The following FBXL13 variants were observed in gnomAD, a reference collection of about 807,000 sequenced individuals.
FBXL13 encodes F-box and leucine rich repeat protein 13.
FBXL13 carries 67 observed loss-of-function variants against 83.6 expected under a neutral mutation model. The observed-to-expected ratio is 0.80, with a 90% CI of 0.66 to 0.98. The LOEUF is 0.98. Ranked by LOEUF, FBXL13 falls within the 50% of genes least tolerant of loss-of-function variation. FBXL13 has a pLI of 0.00. For missense variants in FBXL13, 822 were observed against 866.5 expected (o/e 0.95, Z 0.64); for synonymous variants, 272 against 299.5 (o/e 0.91, Z 0.95).
At chr7:102,904,841 A>G (rs1813502101) in intron 11 of FBXL13, among the ~76,000 whole-genome samples, 2 of 152,054 alleles carry the variant, frequency 1.3e-5, no homozygotes, top group African/African-American at 4.8e-5. Context: ...GAAATTTTTC[A>G]ATTTCCTTCT....
chr7:102,964,405 T>TATATA (rs35861251), intron 7 of FBXL13, among the ~76,000 whole-genome samples: 1,649 of 127,988 alleles, frequency 0.013, 34 homozygotes, highest in African/African-American at 0.047. Flanking sequence ...TATATATATA[T>TATATA]TTTTTTTTTT....
intron 19 of FBXL13, among the ~76,000 whole-genome samples, chr7:102,819,618 A>G (rs1254424020): frequency 6.6e-6 from 1 of 152,166 alleles, no homozygotes; most frequent in Non-Finnish European, 1.5e-5. Flanking sequence ...CATTGTTTTC[A>G]TGTTCAAAAT....
chr7:103,010,537 C>T (rs902802803), intron 6 of FBXL13, among the ~76,000 whole-genome samples: 3 of 151,996 alleles, frequency 2.0e-5, no homozygotes, highest in African/African-American at 7.2e-5. Flanking sequence ...CCCAGCAGTA[C>T]CACTTCTGCC....
At chr7:102,970,077 C>T (rs1287336678) in intron 6 of FBXL13, among the ~76,000 whole-genome samples, 2 of 151,732 alleles carry the variant, frequency 1.3e-5, no homozygotes, top group African/African-American at 4.8e-5. Context: ...ATAGTGAAAC[C>T]CCATTTCAAC....
intron 8 of FBXL13, among the ~76,000 whole-genome samples, chr7:102,940,713 C>T (rs1821261296): frequency 6.6e-6 from 1 of 152,332 alleles, no homozygotes; most frequent in South Asian, 2.1e-4. Flanking sequence ...CAAATCTCTT[C>T]TCCATTTGCT....
At chr7:103,020,538 C>T (rs1473137666) in intron 6 of FBXL13, among the ~76,000 whole-genome samples, 1 of 152,088 alleles carries the variant, frequency 6.6e-6, no homozygotes, top group Non-Finnish European at 1.5e-5. Flanking sequence ...TCAAATTGTC[C>T]CTGTTTGCAG....
intron 8 of FBXL13, chr7:102,933,897 G>T (rs770110031): frequency 6.3e-7 from 1 of 1,579,316 alleles, no homozygotes; most frequent in South Asian, 1.2e-5. Flanking sequence ...AGTAATTGGG[G>T]CCAGCTGGAT....
At chr7:103,073,585 C>G (rs886224422) in intron 1 of FBXL13, among the ~76,000 whole-genome samples, 23 of 152,244 alleles carry the variant, frequency 1.5e-4, no homozygotes, top group Middle Eastern at 3.4e-3. Context: ...CTTAGTCACT[C>G]TAGGTCATTT....
rs140535580 is a variant in FBXL13, at chr7:103,009,871, G to A, written c.495+15192C>T. ...TCCCACTTTTGTGTGAACTCAGCTGGGGAGTGCAGTCTCCTACTGTCCTAG... is the reference window on the plus strand; with the variant it reads ...TCCCACTTTTGTGTGAACTCAGCTGAGGAGTGCAGTCTCCTACTGTCCTAG... On this transcript the variant is annotated intron_variant, in intron 6 of 19. Coordinates refer to ENST00000313221, the Ensembl canonical transcript of FBXL13. 3.7e-3 allele frequency among the ~76,000 whole-genome samples: 568 copies of A among 152,302 alleles called. 4 individuals are homozygous for A. The highest frequency in any genetic ancestry group is 0.013 in the African/African-American group (556 of 41,564).
chr7:103,021,585 C>G (rs1490394322), intron 6 of FBXL13, among the ~76,000 whole-genome samples: 3 of 152,196 alleles, frequency 2.0e-5, no homozygotes, highest in Non-Finnish European at 4.4e-5. Context: ...ATCTACTGAT[C>G]TGGCAAAGGG....
chr7:102,833,796 A>G (rs1157740019), intron 17 of FBXL13, among the ~76,000 whole-genome samples: 7 of 151,928 alleles, frequency 4.6e-5, no homozygotes, highest in Non-Finnish European at 5.9e-5. Context: ...TTCACCTGAA[A>G]TATCTAGGAC....
intron 16 of FBXL13, among the ~76,000 whole-genome samples, chr7:102,857,981 C>T (rs548254761): frequency 1.3e-5 from 2 of 152,212 alleles, no homozygotes; most frequent in East Asian, 3.9e-4. Context: ...CTCAGTATAT[C>T]AAAGGGATAC....
intron 6 of FBXL13, among the ~76,000 whole-genome samples, chr7:102,992,276 C>T (rs1585269290): frequency 2.0e-5 from 3 of 152,208 alleles, no homozygotes; most frequent in Admixed American, 1.3e-4. Flanking sequence ...AAGGCCTCAA[C>T]AACGCAGACC....
intron 11 of FBXL13, among the ~76,000 whole-genome samples, chr7:102,899,598 T>C (rs1812709338): frequency 3.3e-5 from 5 of 152,198 alleles, no homozygotes; most frequent in Non-Finnish European, 5.9e-5. Context: ...TTGTTAGGGT[T>C]ACATGCCCTT....
Position 102,967,103 on chromosome 7 carries a change from G to T in FBXL13, c.591+919C>A, listed in dbSNP as rs537206251. On this transcript the variant is annotated intron_variant, in intron 7 of 19. Transcript: ENST00000313221. ...TCCTGCCTCAGCCTCCCGAGTAGCT[G>T]GGACTACAGGCGCACGCTACCATGC... Among the ~76,000 whole-genome samples, 20 of 152,038 alleles carry T rather than the reference G, an allele frequency of 1.3e-4. No individual in the cohort carries two copies. The South Asian group carries it at 2.7e-3, about 21-fold the overall frequency.
intron 2 of FBXL13, among the ~76,000 whole-genome samples, chr7:103,039,591 C>T (rs1442047616): frequency 6.6e-6 from 1 of 151,880 alleles, no homozygotes; most frequent in South Asian, 2.1e-4. Context: ...ATTGGGTTAC[C>T]CACAAAGGGA....
intron 6 of FBXL13, among the ~76,000 whole-genome samples, chr7:103,008,349 T>A (rs1481024414): frequency 6.6e-6 from 1 of 152,122 alleles, no homozygotes. Context: ...TTGGGACAAC[T>A]GAAGACACCT....
intron 6 of FBXL13, among the ~76,000 whole-genome samples, chr7:103,022,349 A>C (rs1793293014): frequency 6.6e-6 from 1 of 151,940 alleles, no homozygotes; most frequent in Non-Finnish European, 1.5e-5. Context: ...GGGAGGGGTG[A>C]GGGATAGCAT....
At chr7:102,893,947 A>G (rs1397419991) in intron 11 of FBXL13, among the ~76,000 whole-genome samples, 4 of 124,866 alleles carry the variant, frequency 3.2e-5, no homozygotes, top group African/African-American at 1.6e-4. Flanking sequence ...AAAGAGAAAG[A>G]AAGAAAGAAA....
Sources: allele counts gnomAD v4.1 joint callset (sites outside exome capture counted in the v4.1 genomes callset), GRCh38; gene constraint gnomAD v4.1.1; transcripts MANE v1.5; gene names NCBI Gene and HGNC (gene_info 2026-07-23, HGNC 2026-07-21).